GK5: variants seen among roughly 807,000 people sequenced by gnomAD.
GK5 encodes ATP:glycerol 3-phosphotransferase 5.
A neutral mutation model predicts 77.3 loss-of-function variants in GK5; 39 were observed. The observed-to-expected ratio is 0.50, with a 90% CI of 0.39 to 0.66. GK5 has a LOEUF of 0.66. Ranked by LOEUF, GK5 falls within the 30% of genes least tolerant of loss-of-function variation. The pLI, the probability that GK5 is intolerant of heterozygous loss-of-function variation, is 0.00. For synonymous variants in GK5, 211 were observed against 208.0 expected (o/e 1.01, Z -0.13); for missense variants, 487 against 633.8 (o/e 0.77, Z 2.49).
chr3:142,168,786 G>A (rs972669722), intron 15 of GK5, among the ~76,000 whole-genome samples: 22 of 130,330 alleles, frequency 1.7e-4, no homozygotes, highest in South Asian at 4.9e-4. Flanking sequence ...GATCAGGTCC[G>A]AACTCCTCTT....
At position 142,170,307 on chromosome 3, in the gene GK5, T is replaced by G; in HGVS notation, c.1441+18A>C. On this transcript the variant is annotated intron_variant, in intron 15 of 15. Coordinates refer to ENST00000392993, the MANE Select transcript of GK5 (RefSeq NM_001039547.3). Reference sequence around the variant, plus strand: ...GAGTTTGCAAGAAAACTCTCATTCTTATAAATTTCACACATACCAACAGCA... The same window carrying G: ...GAGTTTGCAAGAAAACTCTCATTCTGATAAATTTCACACATACCAACAGCA... The G allele has an allele frequency of 6.2e-7, 1 of 1,613,246 alleles. No individual in the cohort carries two copies. Among genetic ancestry groups the G allele is most frequent in the Non-Finnish European group, 8.5e-7 (1 of 1,179,290 alleles).
At chr3:142,191,385 A>G (rs958163464) in intron 5 of GK5, among the ~76,000 whole-genome samples, 1 of 152,056 alleles carries the variant, frequency 6.6e-6, no homozygotes, top group African/African-American at 2.4e-5. Context: ...TCAATTGCCT[A>G]ACAATAAGTC....
In GK5 at chr3:142,218,855, A is replaced by G. The variant is rs374654864; in HGVS notation, c.148-3163T>C. ...TATGTACAAATCACATATCCAGCAC[A>G]TGACTAATATCCAGAATATATAAAA... On this transcript the variant is annotated intron_variant, in intron 1 of 15. Coordinates refer to ENST00000392993, the MANE Select transcript of GK5 (RefSeq NM_001039547.3). 1.1e-4 allele frequency among the ~76,000 whole-genome samples: 17 copies of G among 152,330 alleles called. 1 individual carries two copies. In the South Asian group the frequency reaches 3.3e-3, roughly 30 times the overall value.
At chr3:142,214,820 T>C (rs551807856) in intron 2 of GK5, among the ~76,000 whole-genome samples, 2 of 152,304 alleles carry the variant, frequency 1.3e-5, no homozygotes, top group South Asian at 4.2e-4. Flanking sequence ...AGTGTTATAA[T>C]TGCATTGTGG....
In GK5 at chr3:142,190,055, G is replaced by A. The variant is rs192901387; in HGVS notation, c.544-2276C>T. On this transcript the variant is annotated intron_variant, in intron 5 of 15. Coordinates refer to ENST00000392993, the MANE Select transcript of GK5 (RefSeq NM_001039547.3). ...GCTACAGATGATGGAATTCACAGTC[G>A]TGGACTTTAAAATAAACATGCTAAT... 8.5e-3 allele frequency among the ~76,000 whole-genome samples: 1,291 copies of A among 152,224 alleles called. 9 individuals carry two copies. The highest frequency in any genetic ancestry group is 0.034 in the Middle Eastern group (10 of 294).
chr3:142,219,036 A>G (rs952577172), intron 1 of GK5, among the ~76,000 whole-genome samples: 1 of 152,230 alleles, frequency 6.6e-6, no homozygotes, highest in Non-Finnish European at 1.5e-5. Flanking sequence ...AAGTCAAATC[A>G]AATAAGTTTT....
In GK5 at chr3:142,225,516, A is replaced by T. The variant is rs970014175; in HGVS notation, c.-61T>A. Reference sequence around the variant, plus strand: ...CCCAGAGGGCGCGCTACAAATCCCAATGCTCCAGAGTCCCCGGGCGGCCCA... The same window carrying T: ...CCCAGAGGGCGCGCTACAAATCCCATTGCTCCAGAGTCCCCGGGCGGCCCA... On this transcript the variant is annotated 5_prime_UTR_variant, in exon 1 of 16. The change creates a new upstream start codon in the 5' untranslated region. Coordinates refer to ENST00000392993, the MANE Select transcript of GK5 (RefSeq NM_001039547.3). 4 of 1,550,222 alleles carry T rather than the reference A, an allele frequency of 2.6e-6. No homozygotes were observed. The highest frequency in any genetic ancestry group is 3.5e-6 in the Non-Finnish European group (4 of 1,153,688).
chr3:142,221,529 T>TCAAG (rs2064347372), intron 1 of GK5, among the ~76,000 whole-genome samples: 1 of 152,198 alleles, frequency 6.6e-6, no homozygotes. Context: ...GTTAATTTTT[T>TCAAG]TTTATTAAAA....
At chr3:142,174,526 C>T (rs1461071659) in intron 12 of GK5, among the ~76,000 whole-genome samples, 3 of 152,168 alleles carry the variant, frequency 2.0e-5, no homozygotes, top group Non-Finnish European at 4.4e-5. Context: ...ACTGCTTTAA[C>T]TGGCCTGAAA....
intron 1 of GK5, among the ~76,000 whole-genome samples, chr3:142,219,103 A>G (rs973062762): frequency 1.3e-5 from 2 of 152,228 alleles, no homozygotes; most frequent in African/African-American, 4.8e-5. Context: ...ACTCTGATAC[A>G]TTGTTGATGA....
intron 11 of GK5, among the ~76,000 whole-genome samples, chr3:142,180,242 G>A (rs2063675720): frequency 6.6e-6 from 1 of 152,074 alleles, no homozygotes; most frequent in South Asian, 2.1e-4. Context: ...CAGAGCAGCA[G>A]AGGCAACCAA....
At chr3:142,182,177 A>G (rs772910048) in intron 10 of GK5, among the ~76,000 whole-genome samples, 5 of 152,186 alleles carry the variant, frequency 3.3e-5, no homozygotes, top group Admixed American at 6.5e-5. Flanking sequence ...TAGTTCTATA[A>G]TCTAGATTTC....
At chr3:142,196,224 C>G (rs574691226) in intron 5 of GK5, among the ~76,000 whole-genome samples, 2 of 152,044 alleles carry the variant, frequency 1.3e-5, no homozygotes, top group South Asian at 4.1e-4. Context: ...TTTCTCTCGT[C>G]TTTGTCAGTT....
chr3:142,209,144 G>A (rs7625671), intron 3 of GK5, among the ~76,000 whole-genome samples: 6,415 of 149,296 alleles, frequency 0.043, 457 homozygotes, highest in African/African-American at 0.15. Context: ...GTGAGACTCC[G>A]CCTCAAAAAA....
chr3:142,172,783 A>G (rs1183163089), intron 12 of GK5, among the ~76,000 whole-genome samples: 2 of 152,242 alleles, frequency 1.3e-5, no homozygotes, highest in Non-Finnish European at 2.9e-5. Context: ...CTCCAGCTAT[A>G]AAGTTTTTAC....
chr3:142,192,354 C>T (rs1041703582), intron 5 of GK5, among the ~76,000 whole-genome samples: 5 of 152,160 alleles, frequency 3.3e-5, no homozygotes, highest in Admixed American at 1.3e-4. Flanking sequence ...AATCATACAC[C>T]TATTTACTCA....
At chr3:142,201,089 C>T (rs35670503) in intron 4 of GK5, among the ~76,000 whole-genome samples, 19,210 of 152,062 alleles carry the variant, frequency 0.13, 1,388 homozygotes, top group Middle Eastern at 0.21. Context: ...CAGATCCTTA[C>T]AAAAGAAAAC....
chr3:142,186,005 A>C lies in GK5; in HGVS notation c.756-16T>G. On this transcript the variant is annotated splice_polypyrimidine_tract_variant and intron_variant, in intron 8 of 15. Coordinates refer to ENST00000392993, the MANE Select transcript of GK5 (RefSeq NM_001039547.3). ...AAAATTGTGGCTTCAAATAAAATTC[A>C]TTAAAAAGTTAGTTACAGCTCTAGA... The C allele has an allele frequency of 6.3e-7, 1 of 1,587,258 alleles. No individual in the cohort carries two copies. The highest frequency in any genetic ancestry group is 2.2e-5 in the East Asian group (1 of 44,668).
chr3:142,169,098 A>G (rs2063505581), intron 15 of GK5, among the ~76,000 whole-genome samples: 2 of 152,230 alleles, frequency 1.3e-5, no homozygotes, highest in African/African-American at 4.8e-5. Context: ...CAGGAATCAG[A>G]GACTATGGCT....
Sources: allele counts gnomAD v4.1 joint callset (sites outside exome capture counted in the v4.1 genomes callset), GRCh38; gene constraint gnomAD v4.1.1; transcripts MANE v1.5; gene names NCBI Gene and HGNC (gene_info 2026-07-23, HGNC 2026-07-21).